The following UAP1L1 variants were observed in gnomAD, a reference collection of about 807,000 sequenced individuals.
The protein encoded by UAP1L1 is UDP-N-acetylglucosamine pyrophosphorylase 1 like 1.
In UAP1L1, 45 loss-of-function variants were observed where a neutral mutation model predicts 45.3. The ratio of observed to expected loss-of-function variants is 0.99; its 90% CI spans 0.78 to 1.27. The LOEUF is 1.27. Among genes scored for constraint, UAP1L1 ranks in the 50% most tolerant of loss-of-function variants. UAP1L1 has a pLI of 0.00. For missense variants in UAP1L1, 667 were observed against 694.0 expected, an observed-to-expected ratio of 0.96 and a Z score of 0.44; for synonymous variants, 323 against 303.9, an observed-to-expected ratio of 1.06 and a Z score of -0.65.
In UAP1L1 at chr9:137,079,290, G is replaced by A; in HGVS notation, c.878G>A (p.Gly293Asp). ...AAGGCATACCCCGAGGAGCCCGTGG[G>A]CGTGGTGTGCCAGGTGGACGGTGTC... ...VEKAYPEEPVGVVCQVDGVPQ... is the reference protein window; with the variant it reads ...VEKAYPEEPVDVVCQVDGVPQ... The change falls in exon 5 of 9, where the codon GGC (glycine) becomes GAC (aspartate). Residue 293 changes from glycine to aspartate, a missense_variant. Coordinates refer to ENST00000409858, the MANE Select transcript of UAP1L1 (RefSeq NM_207309.3). The A allele has an allele frequency of 6.2e-7, 1 of 1,612,468 alleles. No homozygotes were observed.
Position 137,082,628 on chromosome 9 carries a change from C to T in UAP1L1, c.1432-9C>T, listed in dbSNP as rs748218352. On this transcript the variant is annotated splice_polypyrimidine_tract_variant and intron_variant, in intron 8 of 8. Coordinates refer to ENST00000409858, the MANE Select transcript of UAP1L1 (RefSeq NM_207309.3). This position sits in a 1 kb window ranked among gnomAD's most constrained non-coding sequence, Gnocchi z 5.7. ...GGGTACTTGGCCATTGTCCCCTGCTCGTCTCCAGGGTTTAGAAGTGTACCT... is the reference window on the plus strand; with the variant it reads ...GGGTACTTGGCCATTGTCCCCTGCTTGTCTCCAGGGTTTAGAAGTGTACCT... 4.0e-5 allele frequency: 62 copies of T among 1,550,280 alleles called. No homozygotes were observed. The highest frequency in any genetic ancestry group is 1.7e-4 in the Middle Eastern group (1 of 5,990).
Position 137,084,396 on chromosome 9 carries a change from G to C in UAP1L1, c.*1667G>C, listed in dbSNP as rs1159377702. 1 of 152,206 alleles carries C rather than the reference G, an allele frequency of 6.6e-6. No individual in the cohort carries two copies. The highest frequency in any genetic ancestry group is 1.5e-5 in the Non-Finnish European group (1 of 68,094). The allele number at this position is 152,206 out of a possible 1,614,324, so 9.4% of individuals were successfully genotyped here. ...TGACCGTGTTAGCCAGGATGGTCTC[G>C]ATCTCCTGACCTCGTGATCCACCCA... On this transcript the variant is annotated 3_prime_UTR_variant, in exon 9 of 9. Coordinates refer to ENST00000409858, the MANE Select transcript of UAP1L1 (RefSeq NM_207309.3).
In UAP1L1 at chr9:137,078,103, C is replaced by T. The variant is rs1340237459; in HGVS notation, c.343C>T (p.Gln115Ter). 3.2e-6 allele frequency: 5 copies of T among 1,550,040 alleles called. No homozygotes were observed. Among genetic ancestry groups the T allele is most frequent in the Non-Finnish European group, 4.4e-6 (5 of 1,146,890 alleles). Residue 115 changes from glutamine to a stop codon, truncating the protein, a stop_gained, in exon 2 of 9, where the codon CAG becomes TAG. Transcript: ENST00000409858. LOFTEE classifies it high-confidence loss of function. ...KVAVLLLAGG[Q>*]GTRLGVTYPK... ...GGCCGTCCTGCTGCTGGCTGGGGGGCAGGGCACTCGCCTGGGCGTGACCTA... is the reference window on the plus strand; with the variant it reads ...GGCCGTCCTGCTGCTGGCTGGGGGGTAGGGCACTCGCCTGGGCGTGACCTA...
At chr9:137,078,730 G>A (rs1832737484) in intron 3 of UAP1L1, 53 bp downstream of exon 3, 2 of 1,556,938 alleles carry the variant, frequency 1.3e-6, no homozygotes, top group Admixed American at 1.8e-5. Context: ...AACTGGGAGC[G>A]TAGTTGGGGG....
rs1004920117 is a variant in UAP1L1 at position 137,083,084 on chromosome 9, G to C, written c.*355G>C. On this transcript the variant is annotated 3_prime_UTR_variant, in exon 9 of 9. Coordinates refer to ENST00000409858, the MANE Select transcript of UAP1L1 (RefSeq NM_207309.3). Reference sequence around the variant, plus strand: ...AGGAGGCTTCGGGTTGGGGCCCAAGGGAGGTGTGGTGTCATCTGGGGAGAA... The same window carrying C: ...AGGAGGCTTCGGGTTGGGGCCCAAGCGAGGTGTGGTGTCATCTGGGGAGAA... The C allele has an allele frequency of 3.6e-6, 1 of 277,384 alleles. No homozygotes were observed. 17.2% of individuals were successfully genotyped at this position (277,384 alleles called of 1,614,324 possible). A position where few individuals can be genotyped will look rare whatever the true frequency, so the allele number is the denominator to read the frequency against.
chr9:137,078,393 G>A (rs1431557983), intron 2 of UAP1L1, 109 bp from the exon 3 acceptor site: 1 of 1,588,654 alleles, frequency 6.3e-7, no homozygotes, highest in Admixed American at 1.7e-5. Context: ...CCTGGCCCCA[G>A]CCCCAACTGG....
chr9:137,079,223 G>GCCCTCGGAACCCAT, intron 4 of UAP1L1, 33 bp from the exon 5 acceptor site: 1 of 1,587,534 alleles, frequency 6.3e-7, no homozygotes. Flanking sequence ...CCTCCGCCCA[G>GCCCTCGGAACCCAT]CCCTCGGAAC....
chr9:137,082,585 T>A lies in UAP1L1; in HGVS notation c.1432-52T>A. ...TGGCTCTTGGTGTGGCCAGAGGGGC[T>A]GTGACCCGCCAAAAGGTGGGTACTT... On this transcript the variant is annotated intron_variant, in intron 8 of 8. Transcript: ENST00000409858. This position sits in a 1 kb window ranked among gnomAD's most constrained non-coding sequence, Gnocchi z 5.7. 2 of 1,444,506 alleles carry A rather than the reference T, an allele frequency of 1.4e-6. No homozygotes were observed. 89.5% of individuals were successfully genotyped at this position (1,444,506 alleles called of 1,614,324 possible).
At chr9:137,078,720 A>G in intron 3 of UAP1L1, 43 bp downstream of exon 3, 1 of 1,576,774 alleles carries the variant, frequency 6.3e-7, no homozygotes, top group South Asian at 1.2e-5. Flanking sequence ...CCCAGACTAG[A>G]ACTGGGAGCG....
Position 137,077,692 on chromosome 9 carries a change from G to A in UAP1L1, c.160G>A (p.Ala54Thr), listed in dbSNP as rs1832713107. 8.7e-7 allele frequency: 1 copy of A among 1,143,042 alleles called. No individual in the cohort carries two copies. Among genetic ancestry groups the A allele is most frequent in the Non-Finnish European group, 1.1e-6 (1 of 931,828 alleles). The allele number at this position is 1,143,042 out of a possible 1,614,324, so 70.8% of individuals were successfully genotyped here. The change falls in exon 1 of 9, where the codon GCG (alanine) becomes ACG (threonine). Residue 54 changes from alanine to threonine, a missense_variant. By Grantham distance (58) the Ala-to-Thr change is moderately conservative. Transcript: ENST00000409858. The surrounding 1 kb of genome is among the most constrained non-coding windows in gnomAD (Gnocchi z 4.7). ...EALREHCRRA[A>T]EACARPHGPP... ...GCTGCGCGAGCACTGCCGGCGGGCG[G>A]CGGAGGCCTGCGCGCGCCCCCACGG...
At position 137,077,845 on chromosome 9, in the gene UAP1L1, G is replaced by A. The variant is rs1264679858; in HGVS notation, c.289+24G>A. On this transcript the variant is annotated intron_variant, in intron 1 of 8. Coordinates refer to ENST00000409858, the MANE Select transcript of UAP1L1 (RefSeq NM_207309.3). This position sits in a 1 kb window ranked among gnomAD's most constrained non-coding sequence, Gnocchi z 4.7. ...AGGTAAGCGGGGTGGGAGGCCCTGG[G>A]GGCCGGCAGGGGGTCGTGCCCACGG... 2 of 1,428,412 alleles carry A rather than the reference G, an allele frequency of 1.4e-6. No homozygotes were observed. The highest frequency in any genetic ancestry group is 1.8e-6 in the Non-Finnish European group (2 of 1,096,298). 88.5% of individuals were successfully genotyped at this position (1,428,412 alleles called of 1,614,324 possible). A position where few individuals can be genotyped will look rare whatever the true frequency, so the allele number is the denominator to read the frequency against.
Position 137,078,113 on chromosome 9 carries a change from G to T in UAP1L1, c.353G>T (p.Arg118Leu). 1 of 1,550,192 alleles carries T rather than the reference G, an allele frequency of 6.5e-7. No homozygotes were observed. Among genetic ancestry groups the T allele is most frequent in the Non-Finnish European group, 8.7e-7 (1 of 1,146,882 alleles). Residue 118 changes from arginine (R) to leucine (L), a missense_variant, in exon 2 of 9, where the codon CGC becomes CTC. Coordinates refer to ENST00000409858, the MANE Select transcript of UAP1L1 (RefSeq NM_207309.3). ...VLLLAGGQGT[R>L]LGVTYPKGMY... is the part of the protein sequence containing the mutation. ...CTGCTGGCTGGGGGGCAGGGCACTC[G>T]CCTGGGCGTGACCTACCCCAAGGGT...
At chr9:137,078,932 C>G (rs1832740715) in intron 3 of UAP1L1, 44 bp from the exon 4 acceptor site, 3 of 1,548,724 alleles carry the variant, frequency 1.9e-6, no homozygotes, top group African/African-American at 2.8e-5. Flanking sequence ...AGAGCGATCC[C>G]TGGCGGGAGC....
At chr9:137,078,468 T>C (rs1454813115) in intron 2 of UAP1L1, 34 bp from the exon 3 acceptor site, 1 of 1,612,550 alleles carries the variant, frequency 6.2e-7, no homozygotes, top group East Asian at 2.2e-5. Flanking sequence ...GGGCCAGGCG[T>C]ACTCGCGGCC....
At position 137,077,555 on chromosome 9, in the gene UAP1L1, G is replaced by A. The variant is rs974020345; in HGVS notation, c.23G>A (p.Arg8His). 1.0e-4 allele frequency: 143 copies of A among 1,392,790 alleles called. No individual in the cohort carries two copies. The highest frequency in any genetic ancestry group is 3.2e-4 in the Admixed American group (12 of 37,024). The allele number at this position is 1,392,790 out of a possible 1,614,324, so 86.3% of individuals were successfully genotyped here. A position where few individuals can be genotyped will look rare whatever the true frequency, so the allele number is the denominator to read the frequency against. MASEQDV[R>H]ARLQRAGQEH... ...GACATGGCTTCGGAGCAGGACGTGC[G>A]CGCCCGGCTGCAGCGCGCTGGCCAG... is the stretch of plus-strand genomic sequence containing the variant. Residue 8 changes from arginine (R) to histidine (H), a missense_variant, in exon 1 of 9, where the codon CGC (arginine) becomes CAC (histidine). Physicochemically the swap from Arg to His is conservative, Grantham distance 29. Coordinates refer to ENST00000409858, the MANE Select transcript of UAP1L1 (RefSeq NM_207309.3). The surrounding 1 kb of genome is among the most constrained non-coding windows in gnomAD (Gnocchi z 4.7).
rs750857939 is a variant in UAP1L1, at chr9:137,082,134, G to T, written c.1431+70G>T. ...TTGGAATACCATCTGGGGAGAGGTG[G>T]CTGCTCGGGTGGAGACGGCACAGCT... On this transcript the variant is annotated intron_variant, in intron 8 of 8. Transcript: ENST00000409858. The surrounding 1 kb of genome is among the most constrained non-coding windows in gnomAD (Gnocchi z 5.7). 4.7e-6 allele frequency: 7 copies of T among 1,493,418 alleles called. No individual in the cohort carries two copies. The highest frequency in any genetic ancestry group is 1.7e-5 in the Admixed American group (1 of 59,870). 92.5% of individuals were successfully genotyped at this position (1,493,418 alleles called of 1,614,324 possible).
chr9:137,080,165 T>C, intron 6 of UAP1L1, 23 bp downstream of exon 6: 1 of 1,612,326 alleles, frequency 6.2e-7, no homozygotes, highest in Non-Finnish European at 8.5e-7. Flanking sequence ...ACTCATTTAT[T>C]TTCCCCTTCT....
intron 2 of UAP1L1, 92 bp downstream of exon 2, chr9:137,078,346 A>G (rs1832727845): frequency 1.3e-6 from 2 of 1,542,404 alleles, no homozygotes; most frequent in East Asian, 4.7e-5. Flanking sequence ...ACCCCGGCAC[A>G]GACCGGGACA....
rs1832834615 is a variant in UAP1L1 at position 137,084,200 on chromosome 9, TTTTG to T, written c.*1479_*1482del. 1.3e-5 allele frequency: 2 copies of T among 152,264 alleles called. No individual in the cohort carries two copies. Among genetic ancestry groups the T allele is most frequent in the African/African-American group, 4.8e-5 (2 of 41,450 alleles). 9.4% of individuals were successfully genotyped at this position (152,264 alleles called of 1,614,324 possible). A position where few individuals can be genotyped will look rare whatever the true frequency, so the allele number is the denominator to read the frequency against. On this transcript the variant is annotated 3_prime_UTR_variant, in exon 9 of 9. Coordinates refer to ENST00000409858, the MANE Select transcript of UAP1L1 (RefSeq NM_207309.3). The stretch of plus-strand genomic sequence containing the variant: ...ACAGTTAGTTGGGTGAAGTCTTTTT[TTTTG>T]TTTGTTTTAGACGGAGTTTCACTCT...
Sources: gnomAD v4.1 joint callset for allele counts on GRCh38, gnomAD v4.1.1 for gene constraint, Gnocchi (gnomAD v3.1) non-coding constraint, MANE v1.5 for transcripts, NCBI Gene and HGNC (gene_info 2026-07-23, HGNC 2026-07-21) for gene names.